PRMT8: variants seen among roughly 807,000 people sequenced by gnomAD.
PRMT8 encodes protein arginine methyltransferase 8, also known as protein arginine N-methyltransferase 8.
PRMT8 carries 7 observed loss-of-function variants against 47.1 expected under a neutral mutation model. The observed-to-expected ratio is 0.15, with a 90% confidence interval of 0.08 to 0.28. The LOEUF (loss-of-function observed/expected upper bound fraction) is 0.28, where lower values mean the gene tolerates loss of function less well. Among genes scored for constraint, PRMT8 ranks in the 10% least tolerant of loss-of-function variants. The pLI, the probability that PRMT8 is intolerant of heterozygous loss-of-function variation, is 1.00. For missense variants in PRMT8, 237 were observed against 505.4 expected (o/e 0.47, Z 5.09); for synonymous variants, 188 against 186.5 (o/e 1.01, Z -0.07).
intron 1 of PRMT8, among the ~76,000 whole-genome samples, chr12:3,464,019 G>T (rs1185015608): frequency 6.6e-6 from 1 of 152,168 alleles, no homozygotes; most frequent in Non-Finnish European, 1.5e-5. Context: ...GAAGATACGG[G>T]GCGGAGGGAG....
intron 1 of PRMT8, among the ~76,000 whole-genome samples, chr12:3,417,160 T>A (rs1049324930): frequency 6.6e-6 from 1 of 152,218 alleles, no homozygotes; most frequent in African/African-American, 2.4e-5. Context: ...GATGTTTGAA[T>A]GAGAAATGTG....
chr12:3,442,216 A>G (rs1391249183), intron 1 of PRMT8, among the ~76,000 whole-genome samples: 3 of 152,250 alleles, frequency 2.0e-5, no homozygotes, highest in Non-Finnish European at 4.4e-5. Context: ...TATTGGAACA[A>G]GATGTTTTGC....
chr12:3,517,387 C>T (rs576488757), intron 1 of PRMT8, among the ~76,000 whole-genome samples: 3 of 152,254 alleles, frequency 2.0e-5, no homozygotes, highest in South Asian at 2.1e-4. Flanking sequence ...TTATGTGGCC[C>T]GCTCTGTCCA....
intron 6 of PRMT8, among the ~76,000 whole-genome samples, chr12:3,574,567 A>G (rs1360698178): frequency 6.6e-6 from 1 of 152,242 alleles, no homozygotes; most frequent in African/African-American, 2.4e-5. Context: ...AAACCACATA[A>G]TGATAACCAC....
chr12:3,397,600 A>C (rs1565398167), intron 1 of PRMT8, among the ~76,000 whole-genome samples: 1 of 151,798 alleles, frequency 6.6e-6, no homozygotes, highest in Non-Finnish European at 1.5e-5. Context: ...TGGGAGAACC[A>C]CTGCTCTCTT....
chr12:3,516,519 C>A (rs147551876), intron 1 of PRMT8, among the ~76,000 whole-genome samples: 1 of 151,964 alleles, frequency 6.6e-6, no homozygotes, highest in Non-Finnish European at 1.5e-5. Flanking sequence ...AAGTGGTGTC[C>A]GGTGCTGAAG....
chr12:3,402,342 CTTAAATG>C (rs1864325924), intron 1 of PRMT8, among the ~76,000 whole-genome samples: 1 of 152,206 alleles, frequency 6.6e-6, no homozygotes, highest in South Asian at 2.1e-4. Flanking sequence ...GGATTAAACA[CTTAAATG>C]TAAAACCCAA....
In PRMT8 at chr12:3,557,527, T is replaced by C. The variant is rs572502058; in HGVS notation, c.481+3813T>C. On this transcript the variant is annotated intron_variant, in intron 4 of 9. Transcript: ENST00000382622. The surrounding 1 kb of genome is among the most constrained non-coding windows in gnomAD (Gnocchi z 4.7). ...GGCTTGGTGTCCAGCCTTTCTTGGC[T>C]CACCCAGCGGAGCTGGGTCTCTTCT... 9.8e-5 allele frequency among the ~76,000 whole-genome samples: 15 copies of C among 152,324 alleles called. No individual in the cohort carries two copies. The highest frequency in any genetic ancestry group is 2.6e-4 in the Admixed American group (4 of 15,302).
At position 3,496,199 on chromosome 12, in the gene PRMT8, GATAT is replaced by G. The variant is rs1555085720; in HGVS notation, c.75+4512_75+4515del. ...TTAGCAAAGAGTCACTTTGGAAACT[GATAT>G]ATATATATATATTTTTTTTTTTTTT... is the stretch of plus-strand genomic sequence containing the variant. On this transcript the variant is annotated intron_variant, in intron 1 of 9. Coordinates refer to ENST00000382622, the MANE Select transcript of PRMT8 (RefSeq NM_019854.5). Among the ~76,000 whole-genome samples the G allele has an allele frequency of 3.5e-4, 11 of 31,360 alleles. No homozygotes were observed. In the South Asian group the frequency reaches 0.011, roughly 30 times the overall value. The allele number at this position is 31,360 out of a possible 152,430, so 20.6% of individuals were successfully genotyped here. A position where few individuals can be genotyped will look rare whatever the true frequency, so the allele number is the denominator to read the frequency against.
rs367777830 is a variant in PRMT8, at chr12:3,491,750, G to C, written c.75+50G>C. 3.8e-6 allele frequency: 6 copies of C among 1,560,248 alleles called. No homozygotes were observed. The African/African-American group carries it at 8.2e-5, about 21-fold the overall frequency. On this transcript the variant is annotated intron_variant, in intron 1 of 9. Coordinates refer to ENST00000382622, the MANE Select transcript of PRMT8 (RefSeq NM_019854.5). Reference sequence around the variant, plus strand: ...TCTCGGAGACCCCGCCGCCCACCCGGACCACCGCGCCGCCGCCGCCGCTCA... The same window carrying C: ...TCTCGGAGACCCCGCCGCCCACCCGCACCACCGCGCCGCCGCCGCCGCTCA...
rs1407355816 is a variant in PRMT8, at chr12:3,493,538, C to T, written c.75+1838C>T. ...TTTTTGCGGTTCCCTTTGCCTCCTA[C>T]CCCCGCTGCCGCGCGGGGTCTGGGT... is the stretch of plus-strand genomic sequence containing the variant. On this transcript the variant is annotated intron_variant, in intron 1 of 9. Coordinates refer to ENST00000382622, the MANE Select transcript of PRMT8 (RefSeq NM_019854.5). The surrounding 1 kb of genome is among the most constrained non-coding windows in gnomAD (Gnocchi z 8.2). 3.3e-5 allele frequency among the ~76,000 whole-genome samples: 5 copies of T among 152,220 alleles called. No individual in the cohort carries two copies. The highest frequency in any genetic ancestry group is 4.1e-4 in the South Asian group (2 of 4,828).
intron 1 of PRMT8, among the ~76,000 whole-genome samples, chr12:3,408,870 G>A (rs1404695982): frequency 6.6e-6 from 1 of 152,212 alleles, no homozygotes; most frequent in Non-Finnish European, 1.5e-5. Context: ...TGCCTCAGTA[G>A]TCTAGGCTGC....
At chr12:3,408,403 T>A (rs1281304651) in intron 1 of PRMT8, among the ~76,000 whole-genome samples, 1 of 151,994 alleles carries the variant, frequency 6.6e-6, no homozygotes, top group African/African-American at 2.4e-5. Flanking sequence ...TTGGCTAAAT[T>A]AAAAAAAATT....
chr12:3,584,294 A>T (rs1347375887), intron 8 of PRMT8, among the ~76,000 whole-genome samples: 1 of 152,182 alleles, frequency 6.6e-6, no homozygotes, highest in Non-Finnish European at 1.5e-5. Context: ...GATTGGATGA[A>T]GTTAATCACC....
chr12:3,490,364 A>G (rs1056398392), upstream of PRMT8, among the ~76,000 whole-genome samples: 3 of 152,188 alleles, frequency 2.0e-5, no homozygotes, highest in East Asian at 1.9e-4. Context: ...TGCATTGTAT[A>G]AAAATTCACA....
intron 1 of PRMT8, among the ~76,000 whole-genome samples, chr12:3,483,104 TG>T (rs1865290116): frequency 1.3e-5 from 2 of 152,138 alleles, no homozygotes; most frequent in African/African-American, 2.4e-5. Flanking sequence ...ATCTGTAAAA[TG>T]GGGGTAACCA....
chr12:3,461,573 C>G (rs941630847), intron 1 of PRMT8, among the ~76,000 whole-genome samples: 10 of 152,248 alleles, frequency 6.6e-5, no homozygotes, highest in African/African-American at 2.4e-4. Flanking sequence ...AAGCTGCCAA[C>G]AGCCCTGCTG....
At chr12:3,509,023 G>A (rs2137127268) in intron 1 of PRMT8, among the ~76,000 whole-genome samples, 1 of 152,300 alleles carries the variant, frequency 6.6e-6, no homozygotes, top group South Asian at 2.1e-4. Flanking sequence ...CCCTGTTCGT[G>A]TCTCTTCACC....
intron 1 of PRMT8, among the ~76,000 whole-genome samples, chr12:3,522,802 AAAC>A (rs1431293375): frequency 1.3e-5 from 2 of 149,884 alleles, no homozygotes; most frequent in African/African-American, 5.1e-5. Flanking sequence ...AAAAACAAAC[AAAC>A]AAAAAAAAAC....
Sources: gnomAD v4.1 joint callset for allele counts (sites outside exome capture counted in the v4.1 genomes callset) on GRCh38, gnomAD v4.1.1 for gene constraint, Gnocchi (gnomAD v3.1) non-coding constraint, MANE v1.5 for transcripts, NCBI Gene and HGNC (gene_info 2026-07-23, HGNC 2026-07-21) for gene names.